The following AGMO variants were observed in gnomAD, a reference collection of about 807,000 sequenced individuals.
The protein encoded by AGMO is glyceryl-ether monooxygenase.
In AGMO, 75 loss-of-function variants were observed where a neutral mutation model predicts 60.2. That is an observed-to-expected ratio of 1.25 (90% CI 1.03 to 1.51). The LOEUF is 1.51. Ranked by LOEUF, AGMO falls within the 40% of genes most tolerant of loss-of-function variation. The pLI, the probability that AGMO is intolerant of heterozygous loss-of-function variation, is 0.00. For synonymous variants in AGMO, 261 were observed against 177.1 expected (o/e 1.47, Z -3.76); for missense variants, 763 against 525.5 (o/e 1.45, Z -4.42).
chr7:15,353,241 GTAA>G (rs1157311294), intron 12 of AGMO, among the ~76,000 whole-genome samples: 8 of 152,274 alleles, frequency 5.3e-5, no homozygotes, highest in Non-Finnish European at 1.2e-4. Flanking sequence ...AATAAGTCAT[GTAA>G]TAATAGGACA....
chr7:15,410,610 T>G (rs1288163778), intron 5 of AGMO, among the ~76,000 whole-genome samples: 1 of 151,788 alleles, frequency 6.6e-6, no homozygotes, highest in Non-Finnish European at 1.5e-5. Context: ...TGCCTAAGAG[T>G]GGTAAGTGAC....
At chr7:15,340,268 T>C (rs914331239) in intron 12 of AGMO, among the ~76,000 whole-genome samples, 2 of 150,592 alleles carry the variant, frequency 1.3e-5, no homozygotes, top group East Asian at 1.9e-4. Flanking sequence ...ACATGTCACA[T>C]GAGGCCAGGT....
At chr7:15,133,331 GA>G in the AGMO span, among the ~76,000 whole-genome samples, 1 of 152,148 alleles carries the variant, frequency 6.6e-6, no homozygotes, top group Non-Finnish European at 1.5e-5. Context: ...AAGACAAAAT[GA>G]AAGTGGACAA....
At chr7:15,245,886 G>T (rs1304599815) in intron 12 of AGMO, among the ~76,000 whole-genome samples, 3 of 152,068 alleles carry the variant, frequency 2.0e-5, no homozygotes, top group African/African-American at 7.2e-5. Context: ...TTAAATAATA[G>T]GTCTGCATAT....
chr7:15,240,916 G>A (rs370199344), intron 12 of AGMO, among the ~76,000 whole-genome samples: 1 of 151,738 alleles, frequency 6.6e-6, no homozygotes, highest in East Asian at 1.9e-4. Flanking sequence ...ATTTCCTTAG[G>A]CTACAGGAAT....
At chr7:15,350,797 TC>T (rs1281416992) in intron 12 of AGMO, among the ~76,000 whole-genome samples, 1 of 152,186 alleles carries the variant, frequency 6.6e-6, no homozygotes, top group East Asian at 1.9e-4. Context: ...GTGTATAGTT[TC>T]ATTATTTTAT....
At chr7:15,191,025 T>C in the AGMO span, among the ~76,000 whole-genome samples, 5 of 152,164 alleles carry the variant, frequency 3.3e-5, no homozygotes, top group African/African-American at 1.2e-4. Flanking sequence ...AAAATTCATC[T>C]TCAAGAAACT....
At chr7:15,289,353 A>G (rs761192692) in intron 12 of AGMO, among the ~76,000 whole-genome samples, 2 of 152,126 alleles carry the variant, frequency 1.3e-5, no homozygotes, top group East Asian at 3.9e-4. Flanking sequence ...AGCTGTCTCT[A>G]TAAGATTCCG....
chr7:15,188,116 G>A, the AGMO span, among the ~76,000 whole-genome samples: 1 of 152,150 alleles, frequency 6.6e-6, no homozygotes, highest in African/African-American at 2.4e-5. Context: ...GGGTAGACTG[G>A]TATGGGTCAA....
At chr7:15,270,022 CTTAGT>C (rs1365337663) in intron 12 of AGMO, among the ~76,000 whole-genome samples, 1 of 152,000 alleles carries the variant, frequency 6.6e-6, no homozygotes, top group Non-Finnish European at 1.5e-5. Context: ...TGATGGGCAT[CTTAGT>C]TAATTCTATG....
chr7:15,438,664 G>C (rs962184387), intron 3 of AGMO, among the ~76,000 whole-genome samples: 1 of 152,076 alleles, frequency 6.6e-6, no homozygotes, highest in Non-Finnish European at 1.5e-5. Flanking sequence ...TCAACATGAC[G>C]AATATTTAGC....
At chr7:15,403,270 G>C (rs1784602786) in intron 5 of AGMO, among the ~76,000 whole-genome samples, 1 of 151,826 alleles carries the variant, frequency 6.6e-6, no homozygotes. Flanking sequence ...CTGTAGTGCA[G>C]ATTTGCAAAT....
chr7:15,503,229 T>C (rs1160607351), intron 3 of AGMO, among the ~76,000 whole-genome samples: 1 of 152,024 alleles, frequency 6.6e-6, no homozygotes, highest in Non-Finnish European at 1.5e-5. Flanking sequence ...GAGATGATTG[T>C]TGAACAAAGA....
At chr7:15,183,035 G>C in the AGMO span, among the ~76,000 whole-genome samples, 9,110 of 151,972 alleles carry the variant, frequency 0.06, 914 homozygotes, top group African/African-American at 0.21. Flanking sequence ...CCTCCCACCA[G>C]GTCTCACCTT....
intron 12 of AGMO, among the ~76,000 whole-genome samples, chr7:15,362,504 C>T (rs1219992954): frequency 6.6e-6 from 1 of 152,046 alleles, no homozygotes; most frequent in African/African-American, 2.4e-5. Flanking sequence ...CAATTTCTTC[C>T]TATGTTCTCT....
the AGMO span, among the ~76,000 whole-genome samples, chr7:15,162,722 A>G: frequency 5.3e-5 from 8 of 152,278 alleles, no homozygotes; most frequent in East Asian, 1.5e-3. Flanking sequence ...ATAAGAAATA[A>G]TAAAAGGTAA....
intron 12 of AGMO, among the ~76,000 whole-genome samples, chr7:15,285,305 A>T (rs1784071807): frequency 6.6e-6 from 1 of 152,064 alleles, no homozygotes; most frequent in Admixed American, 6.6e-5. Flanking sequence ...TTCACTGATA[A>T]TATGATTGTA....
At chr7:15,126,349 C>G in the AGMO span, among the ~76,000 whole-genome samples, 2 of 152,024 alleles carry the variant, frequency 1.3e-5, no homozygotes, top group African/African-American at 2.4e-5. Context: ...GTAATCACAT[C>G]CAAATTTATA....
chr7:15,335,319 T>C (rs1272436044), intron 12 of AGMO, among the ~76,000 whole-genome samples: 2 of 152,178 alleles, frequency 1.3e-5, no homozygotes, highest in Non-Finnish European at 2.9e-5. Flanking sequence ...TTAATACTGA[T>C]GAAAGAAAAT....
Sources: allele counts gnomAD v4.1 joint callset (sites outside exome capture counted in the v4.1 genomes callset), GRCh38; gene constraint gnomAD v4.1.1; transcripts MANE v1.5; gene names NCBI Gene and HGNC (gene_info 2026-07-23, HGNC 2026-07-21).